The following NCOR2 variants were observed in gnomAD, a reference collection of about 807,000 sequenced individuals.
The protein encoded by NCOR2 is nuclear receptor corepressor 2, also known as CTG repeat protein 26.
NCOR2 carries 81 observed loss-of-function variants against 262.9 expected under a neutral mutation model. That is an observed-to-expected ratio of 0.31 (90% CI 0.26 to 0.37). NCOR2 has a LOEUF of 0.37. NCOR2 is among the 10% of genes least tolerant of loss of function. The pLI, the probability that NCOR2 is intolerant of heterozygous loss-of-function variation, is 1.00. For synonymous variants in NCOR2, 1,659 were observed against 1,559.3 expected, an observed-to-expected ratio of 1.06 and a Z score of -1.51; for missense variants, 3,385 against 3,621.4, an observed-to-expected ratio of 0.93 and a Z score of 1.68.
chr12:124,450,664 A>G (rs138777179), intron 6 of NCOR2, among the ~76,000 whole-genome samples: 1 of 152,150 alleles, frequency 6.6e-6, no homozygotes, highest in Non-Finnish European at 1.5e-5. Context: ...GGCTTCAAAG[A>G]GCGTACCAGG....
At chr12:124,377,992 A>AG (rs1377398453) in intron 18 of NCOR2, among the ~76,000 whole-genome samples, 1 of 152,108 alleles carries the variant, frequency 6.6e-6, no homozygotes, top group African/African-American at 2.4e-5. Flanking sequence ...AGAAGAGCTG[A>AG]GCGAGGCTTG....
chr12:124,488,290 C>A (rs1039319979), intron 1 of NCOR2, among the ~76,000 whole-genome samples: 2 of 152,190 alleles, frequency 1.3e-5, no homozygotes, highest in Non-Finnish European at 2.9e-5. Flanking sequence ...GGGACCCTGG[C>A]AGCCTCAGAA....
At chr12:124,562,811 A>T (rs573313589) in intron 1 of NCOR2, among the ~76,000 whole-genome samples, 8 of 152,344 alleles carry the variant, frequency 5.3e-5, no homozygotes, top group African/African-American at 1.9e-4. Flanking sequence ...AGCAGCCTGT[A>T]GGTGAGGACC....
At chr12:124,522,716 C>T (rs1566023358) in intron 1 of NCOR2, among the ~76,000 whole-genome samples, 1 of 152,246 alleles carries the variant, frequency 6.6e-6, no homozygotes, top group Non-Finnish European at 1.5e-5. Flanking sequence ...GTCGCATGCC[C>T]GGAAACACCT....
At chr12:124,399,361 G>A (rs2041871668) in intron 15 of NCOR2, among the ~76,000 whole-genome samples, 2 of 152,154 alleles carry the variant, frequency 1.3e-5, no homozygotes, top group South Asian at 2.1e-4. Flanking sequence ...TTTCCACCCT[G>A]CGGCTGAGCC....
intron 12 of NCOR2, among the ~76,000 whole-genome samples, chr12:124,421,097 G>C (rs547625244): frequency 5.9e-5 from 9 of 152,372 alleles, no homozygotes; most frequent in Non-Finnish European, 1.0e-4. Context: ...ATGGCAGCCC[G>C]GCTCCGGACA....
intron 19 of NCOR2, among the ~76,000 whole-genome samples, chr12:124,373,695 G>A (rs2039734232): frequency 1.0e-5 from 1 of 100,390 alleles, no homozygotes; most frequent in Non-Finnish European, 2.0e-5. Flanking sequence ...GGGGCCCCGG[G>A]CACAGTGGAC....
intron 7 of NCOR2, among the ~76,000 whole-genome samples, chr12:124,444,560 A>G (rs985810679): frequency 2.0e-5 from 3 of 152,156 alleles, no homozygotes; most frequent in Non-Finnish European, 2.9e-5. Context: ...TGAGAGAAGC[A>G]GAGGAATGCG....
At chr12:124,472,465 A>G (rs1439892377) in intron 4 of NCOR2, among the ~76,000 whole-genome samples, 1 of 152,178 alleles carries the variant, frequency 6.6e-6, no homozygotes, top group Non-Finnish European at 1.5e-5. Context: ...AGGCCAGTCC[A>G]TTCAGATTCC....
At chr12:124,445,768 G>C (rs1173927401) in intron 7 of NCOR2, among the ~76,000 whole-genome samples, 1 of 152,214 alleles carries the variant, frequency 6.6e-6, no homozygotes, top group Non-Finnish European at 1.5e-5. Context: ...CTATCTCCTA[G>C]AGGCCCAGAA....
At chr12:124,536,556 A>C (rs2051119936), upstream of NCOR2, among the ~76,000 whole-genome samples, 1 of 152,226 alleles carries the variant, frequency 6.6e-6, no homozygotes, top group Non-Finnish European at 1.5e-5. Context: ...ATAAGACACG[A>C]AAAGATGCCC....
intron 16 of NCOR2, among the ~76,000 whole-genome samples, chr12:124,390,176 A>G (rs2041191390): frequency 6.6e-6 from 1 of 152,166 alleles, no homozygotes; most frequent in South Asian, 2.1e-4. Context: ...GGGAGGTCTC[A>G]GTGCACTTTT....
chr12:124,512,477 C>A (rs2049448004), intron 1 of NCOR2, among the ~76,000 whole-genome samples: 1 of 152,188 alleles, frequency 6.6e-6, no homozygotes, highest in Non-Finnish European at 1.5e-5. Context: ...CTGGGTAACC[C>A]AGGATGAGCT....
intron 1 of NCOR2, among the ~76,000 whole-genome samples, chr12:124,554,741 C>A (rs193287249): frequency 6.6e-6 from 1 of 152,256 alleles, no homozygotes; most frequent in Admixed American, 6.5e-5. Flanking sequence ...GGTGCCGCTG[C>A]GGCAAGGGGG....
chr12:124,376,740 G>A (rs1335886095), intron 18 of NCOR2, among the ~76,000 whole-genome samples: 1 of 152,234 alleles, frequency 6.6e-6, no homozygotes, highest in Non-Finnish European at 1.5e-5. Context: ...TGGGCTTATG[G>A]AACCAGGAGG....
chr12:124,355,530 C>A (rs199761768), exon 24 of NCOR2: 2 of 1,597,534 alleles, frequency 1.3e-6, no homozygotes, highest in Non-Finnish European at 1.7e-6. Context: ...CGCGGCAGGA[C>A]GGGCCGGGCA....
intron 17 of NCOR2, 52 bp downstream of exon 19, chr12:124,385,693 G>A (rs55861018): frequency 0.038 from 60,653 of 1,600,364 alleles, 1,342 homozygotes; most frequent in Non-Finnish European, 0.045. Flanking sequence ...AGGCAGTCTG[G>A]GCTCCTCTCC....
chr12:124,471,034 CCTCTCGGGATGCCTGTGCCACCA>C (rs2136686440), intron 4 of NCOR2, among the ~76,000 whole-genome samples: 1 of 152,322 alleles, frequency 6.6e-6, no homozygotes, highest in Non-Finnish European at 1.5e-5. Flanking sequence ...GGGCCCGGCC[CCTCTCGGGATGCCTGTGCCACCA>C]ACATGAGACC....
At chr12:124,330,852 G>A (rs530137483) in exon 44 of NCOR2, 28 of 1,578,332 alleles carry the variant, frequency 1.8e-5, no homozygotes, top group South Asian at 8.2e-5. Flanking sequence ...TACCTGTTCC[G>A]GTGATGGCGG....
Sources: gnomAD v4.1 joint callset for allele counts (sites outside exome capture counted in the v4.1 genomes callset) on GRCh38, gnomAD v4.1.1 for gene constraint, MANE v1.5 for transcripts, NCBI Gene and HGNC (gene_info 2026-07-23, HGNC 2026-07-21) for gene names.